The following PTPRD variants were observed in gnomAD, a reference collection of about 807,000 sequenced individuals.
PTPRD encodes the protein receptor-type tyrosine-protein phosphatase delta.
A neutral mutation model predicts 214.5 loss-of-function variants in PTPRD; 34 were observed. That is an observed-to-expected ratio of 0.16 (90% confidence interval 0.12 to 0.21). PTPRD has a LOEUF of 0.21. Among genes scored for constraint, PTPRD ranks in the 10% least tolerant of loss-of-function variants. The pLI is 1.00. For synonymous variants in PTPRD, 1,128 were observed against 845.7 expected (o/e 1.33, Z -5.79); for missense variants, 2,545 against 2,398.7 (o/e 1.06, Z -1.27).
chr9:9,870,739 A>C (rs1426751843), intron 5 of PTPRD, among the ~76,000 whole-genome samples: 1 of 152,096 alleles, frequency 6.6e-6, no homozygotes, highest in Non-Finnish European at 1.5e-5. Flanking sequence ...TTCGCAATCT[A>C]ATATTAAATA....
chr9:10,099,036 C>T (rs1249116281), intron 3 of PTPRD, among the ~76,000 whole-genome samples: 2 of 151,706 alleles, frequency 1.3e-5, no homozygotes, highest in Non-Finnish European at 1.5e-5. Flanking sequence ...TTCTAAGCTG[C>T]GCTCAGTTAC....
At chr9:9,999,209 T>C (rs890810869) in intron 4 of PTPRD, among the ~76,000 whole-genome samples, 31 of 152,310 alleles carry the variant, frequency 2.0e-4, no homozygotes, top group African/African-American at 6.5e-4. Context: ...ACTGTTCTTT[T>C]GACAGTTACA....
At chr9:9,061,509 T>C (rs1278611996) in intron 10 of PTPRD, among the ~76,000 whole-genome samples, 1 of 152,148 alleles carries the variant, frequency 6.6e-6, no homozygotes, top group Non-Finnish European at 1.5e-5. Context: ...CCTCCTTTTC[T>C]CTTTGCCCAT....
intron 10 of PTPRD, among the ~76,000 whole-genome samples, chr9:9,154,045 T>C (rs2099879134): frequency 1.3e-5 from 2 of 152,158 alleles, no homozygotes; most frequent in Admixed American, 6.5e-5. Flanking sequence ...CGTGATCTAG[T>C]AACATCCAAG....
At chr9:10,312,387 T>C (rs2096290198) in intron 3 of PTPRD, among the ~76,000 whole-genome samples, 1 of 151,980 alleles carries the variant, frequency 6.6e-6, no homozygotes, top group Admixed American at 6.6e-5. Context: ...ATTTTAGTAC[T>C]GTAGGAATAT....
chr9:9,007,757 A>AC (rs1397261682), intron 11 of PTPRD, among the ~76,000 whole-genome samples: 1 of 117,048 alleles, frequency 8.5e-6, no homozygotes, highest in Non-Finnish European at 1.9e-5. Flanking sequence ...TGTGGTTTAC[A>AC]CCCCCCAAAG....
chr9:9,927,742 C>G (rs2084851327), intron 5 of PTPRD, among the ~76,000 whole-genome samples: 1 of 152,068 alleles, frequency 6.6e-6, no homozygotes, highest in South Asian at 2.1e-4. Flanking sequence ...TTCATAGATT[C>G]TTAATATTGT....
chr9:10,406,687 A>T (rs927209293), intron 2 of PTPRD, among the ~76,000 whole-genome samples: 28 of 151,772 alleles, frequency 1.8e-4, no homozygotes, highest in African/African-American at 5.8e-4. Flanking sequence ...CACTTTTAGC[A>T]TGTGTATATC....
At chr9:9,054,088 C>T (rs977400653) in intron 10 of PTPRD, among the ~76,000 whole-genome samples, 1 of 152,142 alleles carries the variant, frequency 6.6e-6, no homozygotes, top group Non-Finnish European at 1.5e-5. Context: ...AGCTCCTGGT[C>T]CATGCACCAA....
At chr9:9,985,003 TTTCA>T (rs1347863459) in intron 4 of PTPRD, among the ~76,000 whole-genome samples, 1 of 152,174 alleles carries the variant, frequency 6.6e-6, no homozygotes, top group Non-Finnish European at 1.5e-5. Flanking sequence ...CTTAAAGGAA[TTTCA>T]TTATCACACA....
intron 43 of PTPRD, among the ~76,000 whole-genome samples, chr9:8,333,209 T>A (rs10976965): frequency 0.053 from 8,135 of 152,202 alleles, 730 homozygotes; most frequent in African/African-American, 0.19. Flanking sequence ...ATGATTTACT[T>A]CCCTCTGTTT....
intron 11 of PTPRD, among the ~76,000 whole-genome samples, chr9:8,825,111 G>C (rs2097149610): frequency 6.6e-6 from 1 of 152,136 alleles, no homozygotes; most frequent in Non-Finnish European, 1.5e-5. Flanking sequence ...ATATTTATGA[G>C]TTGGGTAAAT....
chr9:10,380,664 A>C (rs992968467), intron 2 of PTPRD, among the ~76,000 whole-genome samples: 2 of 152,164 alleles, frequency 1.3e-5, no homozygotes, highest in Non-Finnish European at 2.9e-5. Flanking sequence ...AGTATTCTGA[A>C]GTCCACGGAA....
chr9:8,502,061 A>T (rs1414511624), intron 23 of PTPRD, among the ~76,000 whole-genome samples: 1 of 152,186 alleles, frequency 6.6e-6, no homozygotes, highest in East Asian at 1.9e-4. Context: ...TAGGGTTTAT[A>T]TTAGAATTAG....
chr9:10,573,364 T>C (rs915596936), intron 2 of PTPRD, among the ~76,000 whole-genome samples: 2 of 152,184 alleles, frequency 1.3e-5, no homozygotes, highest in African/African-American at 4.8e-5. Context: ...CTCAAAATCC[T>C]GAAGGTCGCA....
Position 9,484,149 on chromosome 9 carries a change from A to G in PTPRD, c.-236-86667T>C, listed in dbSNP as rs2095531039. Among the ~76,000 whole-genome samples the G allele has an allele frequency of 2.6e-5, 4 of 152,040 alleles. No individual in the cohort carries two copies. In the South Asian group the frequency reaches 8.3e-4, roughly 31 times the overall value. On this transcript the variant is annotated intron_variant, in intron 8 of 45. Transcript: ENST00000381196. ...TTGATTTAAACTAATTATAATTAAT[A>G]GGAAAATAAAAATTTTAAACATTTA...
chr9:9,687,801 A>G (rs1273744824), intron 7 of PTPRD, among the ~76,000 whole-genome samples: 1 of 151,778 alleles, frequency 6.6e-6, no homozygotes, highest in Non-Finnish European at 1.5e-5. Context: ...TACTTATGAG[A>G]TAATTATATA....
intron 5 of PTPRD, among the ~76,000 whole-genome samples, chr9:9,862,840 C>T (rs78990320): frequency 6.6e-6 from 1 of 152,020 alleles, no homozygotes; most frequent in Non-Finnish European, 1.5e-5. Context: ...TTAAGTCTTT[C>T]TGTATACATT....
chr9:10,350,684 A>C (rs1411818955), intron 2 of PTPRD, among the ~76,000 whole-genome samples: 1 of 152,166 alleles, frequency 6.6e-6, no homozygotes, highest in Non-Finnish European at 1.5e-5. Flanking sequence ...ACTGTATTAC[A>C]CTGTATATAA....
Sources: allele counts gnomAD v4.1 joint callset (sites outside exome capture counted in the v4.1 genomes callset), GRCh38; gene constraint gnomAD v4.1.1; transcripts MANE v1.5; gene names NCBI Gene and HGNC (gene_info 2026-07-23, HGNC 2026-07-21).